The following ERC1 variants were observed in gnomAD, a reference collection of about 807,000 sequenced individuals.
The protein encoded by ERC1 is RAB6 interacting protein 2.
Under a neutral mutation model 132.0 loss-of-function variants are expected in ERC1, and 56 were observed. The ratio of observed to expected loss-of-function variants is 0.42; its 90% CI spans 0.34 to 0.53. ERC1 has a LOEUF of 0.53. Ranked by LOEUF, ERC1 falls within the 20% of genes least tolerant of loss-of-function variation. ERC1 has a pLI of 0.03. For synonymous variants in ERC1, 478 were observed against 476.1 expected, an observed-to-expected ratio of 1.00 and a Z score of -0.05; for missense variants, 1,202 against 1,349.9, an observed-to-expected ratio of 0.89 and a Z score of 1.72.
intron 1 of ERC1, among the ~76,000 whole-genome samples, chr12:1,025,932 G>T (rs897014795): frequency 4.6e-5 from 7 of 151,970 alleles, no homozygotes; most frequent in Non-Finnish European, 7.4e-5. Flanking sequence ...GAGTGGCTGG[G>T]ATTACAGGCA....
intron 15 of ERC1, among the ~76,000 whole-genome samples, chr12:1,330,026 T>A (rs1474451000): frequency 6.6e-6 from 1 of 152,184 alleles, no homozygotes; most frequent in African/African-American, 2.4e-5. Flanking sequence ...AGCAGTGGAT[T>A]CAACCCTGAA....
intron 7 of ERC1, among the ~76,000 whole-genome samples, chr12:1,117,695 C>T (rs61914260): frequency 0.18 from 26,790 of 152,186 alleles, 2,877 homozygotes; most frequent in Non-Finnish European, 0.24. Context: ...TATTTACTGC[C>T]AGTGTCTGGC....
intron 16 of ERC1, among the ~76,000 whole-genome samples, chr12:1,385,505 C>G (rs936752364): frequency 3.3e-5 from 5 of 152,176 alleles, no homozygotes; most frequent in Non-Finnish European, 7.4e-5. Flanking sequence ...AGGATGGTCT[C>G]GATCTCCTGA....
At chr12:1,065,218 C>T (rs1938875974) in intron 2 of ERC1, among the ~76,000 whole-genome samples, 1 of 152,116 alleles carries the variant, frequency 6.6e-6, no homozygotes, top group Non-Finnish European at 1.5e-5. Flanking sequence ...CCAGGCTGGT[C>T]TCAAACTCCT....
intron 16 of ERC1, among the ~76,000 whole-genome samples, chr12:1,387,215 A>G (rs1158494950): frequency 6.6e-6 from 1 of 152,138 alleles, no homozygotes; most frequent in Non-Finnish European, 1.5e-5. Flanking sequence ...TTAGATGAGG[A>G]GATTTGGGAC....
intron 15 of ERC1, among the ~76,000 whole-genome samples, chr12:1,307,229 T>C (rs895501570): frequency 1.3e-5 from 2 of 152,218 alleles, no homozygotes; most frequent in Admixed American, 1.3e-4. Flanking sequence ...AAAGAATAAC[T>C]GAGTTTAATG....
intron 8 of ERC1, among the ~76,000 whole-genome samples, chr12:1,156,654 A>T (rs1432446736): frequency 6.6e-6 from 1 of 152,140 alleles, no homozygotes; most frequent in Non-Finnish European, 1.5e-5. Flanking sequence ...TTTTCCACTG[A>T]TTTACACGGA....
At chr12:1,339,918 G>C (rs2083669741) in intron 15 of ERC1, among the ~76,000 whole-genome samples, 1 of 152,176 alleles carries the variant, frequency 6.6e-6, no homozygotes, top group Non-Finnish European at 1.5e-5. Flanking sequence ...AGGGGAACAG[G>C]TGGTAGGGTG....
intron 1 of ERC1, among the ~76,000 whole-genome samples, chr12:1,007,564 G>GTGTGTA (rs1209635077): frequency 8.5e-6 from 1 of 117,436 alleles, no homozygotes; most frequent in Non-Finnish European, 2.0e-5. Flanking sequence ...GTGTGTGTGT[G>GTGTGTA]TGTGTACACA....
At chr12:1,143,835 T>C (rs960746139) in intron 8 of ERC1, among the ~76,000 whole-genome samples, 1 of 152,164 alleles carries the variant, frequency 6.6e-6, no homozygotes, top group African/African-American at 2.4e-5. Flanking sequence ...GTTTTCTTTT[T>C]GTTATAAAGT....
At chr12:1,438,954 A>ATATATATATATATAT (rs1555093208) in intron 17 of ERC1, among the ~76,000 whole-genome samples, 4 of 143,488 alleles carry the variant, frequency 2.8e-5, no homozygotes, top group East Asian at 2.0e-4. Context: ...TTTAAAAAAA[A>ATATATATATATATAT]ATATATATAT....
At chr12:1,297,577 G>T (rs1566518197) in intron 15 of ERC1, among the ~76,000 whole-genome samples, 1 of 150,342 alleles carries the variant, frequency 6.7e-6, no homozygotes, top group Non-Finnish European at 1.5e-5. Context: ...GAGGATGGTG[G>T]CTCATACTCT....
intron 18 of ERC1, among the ~76,000 whole-genome samples, chr12:1,484,745 T>C (rs1230942383): frequency 6.6e-6 from 1 of 151,568 alleles, no homozygotes; most frequent in East Asian, 2.0e-4. Context: ...GCCCGGCTAA[T>C]TTTTTGTATT....
intron 2 of ERC1, among the ~76,000 whole-genome samples, chr12:1,054,477 T>C (rs2154170862): frequency 6.6e-6 from 1 of 152,118 alleles, no homozygotes; most frequent in South Asian, 2.1e-4. Flanking sequence ...GTCCCTTGCC[T>C]GTTTGGCTAC....
intron 15 of ERC1, among the ~76,000 whole-genome samples, chr12:1,295,235 G>C (rs748911498): frequency 6.6e-6 from 1 of 152,188 alleles, no homozygotes; most frequent in African/African-American, 2.4e-5. Flanking sequence ...TTTCAGGTCT[G>C]CAGTTTTCTC....
At chr12:1,459,762 T>G (rs2154420745) in intron 18 of ERC1, among the ~76,000 whole-genome samples, 1 of 152,374 alleles carries the variant, frequency 6.6e-6, no homozygotes, top group Non-Finnish European at 1.5e-5. Context: ...TGGAAAAATC[T>G]GACACATACC....
At position 1,035,326 on chromosome 12, in the gene ERC1, A is replaced by G. The variant is rs368111356; in HGVS notation, c.669+6754A>G. 8.5e-5 allele frequency among the ~76,000 whole-genome samples: 13 copies of G among 152,240 alleles called. No homozygotes were observed. In the East Asian group the frequency reaches 2.3e-3, roughly 27 times the overall value. ...TATTGGATCTGATTGGACCATAGAG[A>G]TCTTGTTCTAGGATCCTATTAGATG... is the stretch of plus-strand genomic sequence containing the variant. On this transcript the variant is annotated intron_variant, in intron 2 of 18. Coordinates refer to ENST00000360905, the MANE Select transcript of ERC1 (RefSeq NM_178040.4).
At chr12:1,067,926 CTT>C (rs71441641) in intron 2 of ERC1, among the ~76,000 whole-genome samples, 52,914 of 121,044 alleles carry the variant, frequency 0.44, 13,143 homozygotes, top group East Asian at 0.76. Flanking sequence ...TTAGCCACTG[CTT>C]TTTTTTTTTT....
intron 3 of ERC1, among the ~76,000 whole-genome samples, chr12:1,094,708 C>A (rs1285967617): frequency 6.6e-6 from 1 of 152,126 alleles, no homozygotes. Context: ...CCGTGCCTGG[C>A]CCTTCCTCTC....
Sources: allele counts gnomAD v4.1 joint callset (sites outside exome capture counted in the v4.1 genomes callset), GRCh38; gene constraint gnomAD v4.1.1; transcripts MANE v1.5; gene names NCBI Gene and HGNC (gene_info 2026-07-23, HGNC 2026-07-21).